CCL26: variants seen among roughly 807,000 people sequenced by gnomAD.
The protein encoded by CCL26 is C-C motif chemokine ligand 26, also known as C-C motif chemokine 26.
In CCL26, 10 loss-of-function variants were observed where a neutral mutation model predicts 10.7. That is an observed-to-expected ratio of 0.93 (90% CI 0.57 to 1.58). The LOEUF (loss-of-function observed/expected upper bound fraction) is 1.58. Ranked by LOEUF, CCL26 falls within the 40% of genes most tolerant of loss-of-function variation. CCL26 has a pLI of 0.00. For missense variants in CCL26, 116 were observed against 111.0 expected (o/e 1.05, Z -0.20); for synonymous variants, 43 against 41.4 (o/e 1.04, Z -0.15).
upstream of CCL26, among the ~76,000 whole-genome samples, chr7:75,790,121 CTT>C (rs1803292924): frequency 1.4e-5 from 2 of 147,310 alleles, no homozygotes; most frequent in African/African-American, 2.5e-5. Context: ...CTTTCTTTTT[CTT>C]TCTTTCTTTC....
At chr7:75,783,527 C>T (rs944678933) in intron 1 of CCL26, among the ~76,000 whole-genome samples, 16 of 152,100 alleles carry the variant, frequency 1.1e-4, no homozygotes, top group Non-Finnish European at 1.8e-4. Flanking sequence ...CAGCCAGGCA[C>T]GGTGGCTCAC....
At chr7:75,779,675 C>T (rs753171227) in intron 1 of CCL26, among the ~76,000 whole-genome samples, 4 of 152,232 alleles carry the variant, frequency 2.6e-5, no homozygotes, top group African/African-American at 4.8e-5. Context: ...TGTTTAATCA[C>T]GCGGGGACGC....
At chr7:75,781,464 C>A (rs372549970) in intron 1 of CCL26, among the ~76,000 whole-genome samples, 79 of 152,342 alleles carry the variant, frequency 5.2e-4, no homozygotes, top group African/African-American at 1.8e-3. Context: ...GGAATGCCCG[C>A]AGCCCAGGAT....
chr7:75,770,006 G>T (rs1802787077), intron 2 of CCL26, among the ~76,000 whole-genome samples: 1 of 151,864 alleles, frequency 6.6e-6, no homozygotes, highest in Admixed American at 6.6e-5. Flanking sequence ...ACCTCTACCA[G>T]GTACCATTTA....
At chr7:75,773,692 A>G (rs1802877958), upstream of CCL26, among the ~76,000 whole-genome samples, 1 of 152,052 alleles carries the variant, frequency 6.6e-6, no homozygotes, top group Non-Finnish European at 1.5e-5. Context: ...CCTGGCGAAC[A>G]TGGTGAAACC....
intron 1 of CCL26, among the ~76,000 whole-genome samples, chr7:75,781,218 C>T (rs563522151): frequency 1.1e-3 from 172 of 152,342 alleles, no homozygotes; most frequent in African/African-American, 3.9e-3. Flanking sequence ...CCCTCAAACC[C>T]CACGACAGGA....
chr7:75,772,270 G>T, upstream of CCL26: 1 of 887,656 alleles, frequency 1.1e-6, no homozygotes, highest in Non-Finnish European at 1.8e-6. Flanking sequence ...AACAATTCCA[G>T]AGAATTCTGT....
intron 1 of CCL26, among the ~76,000 whole-genome samples, chr7:75,787,827 T>C (rs1554530194): frequency 6.6e-6 from 1 of 152,110 alleles, no homozygotes; most frequent in Non-Finnish European, 1.5e-5. Context: ...TCCCAATTCT[T>C]AGTCCTTTAA....
chr7:75,776,345 A>G (rs13222219), upstream of CCL26, among the ~76,000 whole-genome samples: 1 of 151,704 alleles, frequency 6.6e-6, no homozygotes, highest in African/African-American at 2.4e-5. Flanking sequence ...TGCTGGGATT[A>G]CAGGTGTGAG....
At chr7:75,770,582 C>T (rs1006714074) in intron 2 of CCL26, among the ~76,000 whole-genome samples, 5 of 150,734 alleles carry the variant, frequency 3.3e-5, no homozygotes, top group African/African-American at 7.3e-5. Context: ...GGTTTCTCCA[C>T]GTTGGTCAGG....
chr7:75,787,466 A>G (rs1554530116), intron 1 of CCL26, among the ~76,000 whole-genome samples: 34 of 151,988 alleles, frequency 2.2e-4, no homozygotes. Context: ...AACATGGTGA[A>G]ACCCCGTCTG....
At chr7:75,781,407 A>G (rs1554529443) in intron 1 of CCL26, among the ~76,000 whole-genome samples, 1 of 152,186 alleles carries the variant, frequency 6.6e-6, no homozygotes, top group African/African-American at 2.4e-5. Context: ...AGAACCTCCT[A>G]CCCCAGGATC....
At chr7:75,782,200 T>C (rs1803079881) in intron 1 of CCL26, among the ~76,000 whole-genome samples, 1 of 152,150 alleles carries the variant, frequency 6.6e-6, no homozygotes, top group South Asian at 2.1e-4. Context: ...TTCCTTTCAT[T>C]TTCTGGTACA....
At chr7:75,771,585 A>G (rs533206852) in intron 2 of CCL26, among the ~76,000 whole-genome samples, 2 of 152,166 alleles carry the variant, frequency 1.3e-5, no homozygotes, top group Non-Finnish European at 2.9e-5. Flanking sequence ...GCATGGTGGC[A>G]TGTGCCTGTA....
intron 1 of CCL26, among the ~76,000 whole-genome samples, chr7:75,786,995 C>T (rs1554530064): frequency 6.6e-6 from 1 of 152,172 alleles, no homozygotes; most frequent in Non-Finnish European, 1.5e-5. Flanking sequence ...CAGGCCCCAT[C>T]CCTTTCCTGC....
rs2115627004 is a variant in CCL26, at chr7:75,769,565, T to TCCCG, written c.*127_*128insCGGG. 1 of 595,226 alleles carries TCCCG rather than the reference T, an allele frequency of 1.7e-6. No homozygotes were observed. Among genetic ancestry groups the TCCCG allele is most frequent in the Admixed American group, 3.0e-5 (1 of 33,860 alleles). 36.9% of individuals were successfully genotyped at this position (595,226 alleles called of 1,614,324 possible). On this transcript the variant is annotated 3_prime_UTR_variant, in exon 3 of 3. Transcript: ENST00000005180. ...TATGAACAACCTTTATTAAAGTAAC[T>TCCCG]CTGGGAGGAAACACCCTCTCCTCCC...
chr7:75,776,539 AGG>A (rs1554528720), upstream of CCL26, among the ~76,000 whole-genome samples: 1 of 99,342 alleles, frequency 1.0e-5, no homozygotes, highest in Non-Finnish European at 2.6e-5. Context: ...GAAGGAAGGA[AGG>A]AAGGAAGGAA....
At chr7:75,780,578 T>A (rs1554529310) in intron 1 of CCL26, among the ~76,000 whole-genome samples, 1 of 152,108 alleles carries the variant, frequency 6.6e-6, no homozygotes, top group Admixed American at 6.6e-5. Context: ...TCTAGATAAT[T>A]CTTGTCATAA....
intron 1 of CCL26, among the ~76,000 whole-genome samples, chr7:75,777,721 G>GGAAAAAAAA (rs1802971123): frequency 1.7e-5 from 1 of 60,542 alleles, no homozygotes; most frequent in Admixed American, 2.8e-4. Context: ...TCCTGTCTCA[G>GGAAAAAAAA]AAAAAAAAAA....
Sources: gnomAD v4.1 joint callset for allele counts (sites outside exome capture counted in the v4.1 genomes callset) on GRCh38, gnomAD v4.1.1 for gene constraint, MANE v1.5 for transcripts, NCBI Gene and HGNC (gene_info 2026-07-23, HGNC 2026-07-21) for gene names.